GCLC: variants seen among roughly 807,000 people sequenced by gnomAD.
GCLC encodes glutamate-cysteine ligase catalytic subunit.
A neutral mutation model predicts 81.5 loss-of-function variants in GCLC; 30 were observed. The ratio of observed to expected loss-of-function variants is 0.37; its 90% CI spans 0.28 to 0.50. The LOEUF (loss-of-function observed/expected upper bound fraction) is 0.50, where lower values mean the gene tolerates loss of function less well. Ranked by LOEUF, GCLC falls within the 20% of genes least tolerant of loss-of-function variation. The pLI is 0.96. For missense variants in GCLC, 556 were observed against 777.4 expected (o/e 0.72, Z 3.39); for synonymous variants, 262 against 273.3 (o/e 0.96, Z 0.41).
At chr6:53,511,231 C>A (rs904209799) in intron 6 of GCLC, among the ~76,000 whole-genome samples, 1 of 148,452 alleles carries the variant, frequency 6.7e-6, no homozygotes, top group African/African-American at 2.5e-5. Context: ...GGATGACATG[C>A]GGTCAAAGGT....
chr6:53,505,113 C>T, intron 12 of GCLC: 1 of 398,670 alleles, frequency 2.5e-6, no homozygotes, highest in Non-Finnish European at 4.6e-6. Context: ...TTACACTTTC[C>T]CTCCCCATCC....
rs1412494042 is a variant in GCLC at position 53,505,542 on chromosome 6, C to T, written c.1291-46G>A. 5.1e-6 allele frequency: 5 copies of T among 983,528 alleles called. No homozygotes were observed. The South Asian group carries it at 5.2e-5, about 10-fold the overall frequency. The allele number at this position is 983,528 out of a possible 1,614,324, so 60.9% of individuals were successfully genotyped here. ...AGAAGTTATGAACCAACTACACAAACATGCTCTTCCCTGACCCAGGCCCTT... is the reference window on the plus strand; with the variant it reads ...AGAAGTTATGAACCAACTACACAAATATGCTCTTCCCTGACCCAGGCCCTT... On this transcript the variant is annotated intron_variant, in intron 11 of 15. Coordinates refer to ENST00000650454, the MANE Select transcript of GCLC (RefSeq NM_001498.4).
At chr6:53,525,139 G>T (rs1763058093) in intron 1 of GCLC, among the ~76,000 whole-genome samples, 1 of 152,128 alleles carries the variant, frequency 6.6e-6, no homozygotes, top group Non-Finnish European at 1.5e-5. Flanking sequence ...TTTCCTGACG[G>T]TTTTTCAAAC....
At chr6:53,504,818 C>G (rs1259816355) in intron 12 of GCLC, among the ~76,000 whole-genome samples, 4 of 152,150 alleles carry the variant, frequency 2.6e-5, no homozygotes, top group Non-Finnish European at 5.9e-5. Flanking sequence ...CGGCAGGGCC[C>G]TCTCTATTTA....
At chr6:53,542,137 C>T (rs985477993) in intron 1 of GCLC, among the ~76,000 whole-genome samples, 2 of 152,162 alleles carry the variant, frequency 1.3e-5, no homozygotes, top group African/African-American at 4.8e-5. Flanking sequence ...GATTACGGGC[C>T]ACCACGCCCA....
intron 6 of GCLC, chr6:53,513,124 C>G (rs1183438534): frequency 2.0e-5 from 3 of 152,154 alleles, no homozygotes; most frequent in Non-Finnish European, 4.4e-5. Flanking sequence ...AAATCTGATT[C>G]CAGCATTCAA....
chr6:53,502,260 G>GAT (rs1476020776), intron 12 of GCLC, among the ~76,000 whole-genome samples: 1 of 152,146 alleles, frequency 6.6e-6, no homozygotes, highest in African/African-American at 2.4e-5. Context: ...CCCATCCTTT[G>GAT]ATTATATGGC....
chr6:53,503,500 A>C (rs573576), intron 12 of GCLC, among the ~76,000 whole-genome samples: 23 of 152,214 alleles, frequency 1.5e-4, no homozygotes, highest in Non-Finnish European at 2.9e-4. Flanking sequence ...TTGGCTGAGA[A>C]GATAATTCTG....
At chr6:53,540,898 C>T (rs950727382) in intron 1 of GCLC, among the ~76,000 whole-genome samples, 34 of 152,330 alleles carry the variant, frequency 2.2e-4, no homozygotes, top group African/African-American at 7.9e-4. Context: ...AAAAAAGTCA[C>T]ACCTTCTCTC....
At chr6:53,539,400 G>C (rs1490091566) in intron 1 of GCLC, among the ~76,000 whole-genome samples, 5 of 152,094 alleles carry the variant, frequency 3.3e-5, no homozygotes, top group Admixed American at 6.5e-5. Context: ...CTTCTCACAG[G>C]AAAATACCTG....
At chr6:53,514,385 A>C (rs1029688554) in intron 5 of GCLC, 48 bp from the exon 6 acceptor site, 4 of 1,590,824 alleles carry the variant, frequency 2.5e-6, no homozygotes, top group African/African-American at 2.7e-5. Context: ...ATCCAGGATT[A>C]AACAACAATA....
chr6:53,539,555 A>G (rs1763316885), intron 1 of GCLC, among the ~76,000 whole-genome samples: 1 of 152,312 alleles, frequency 6.6e-6, no homozygotes, highest in South Asian at 2.1e-4. Context: ...GAGCATTTCT[A>G]AAGTGGCAGC....
chr6:53,530,123 G>A (rs887203862), intron 1 of GCLC, among the ~76,000 whole-genome samples: 13 of 152,246 alleles, frequency 8.5e-5, no homozygotes, highest in Admixed American at 8.5e-4. Flanking sequence ...CTAAGTGAGA[G>A]TCAATGCTAA....
intron 8 of GCLC, 65 bp downstream of exon 8, chr6:53,508,530 T>C: frequency 3.2e-6 from 3 of 937,958 alleles, no homozygotes; most frequent in East Asian, 2.4e-5. Flanking sequence ...AAATTGCAAG[T>C]AGTTACAAAA....
chr6:53,517,279 C>T (rs1169339223), intron 3 of GCLC, among the ~76,000 whole-genome samples: 4 of 71,806 alleles, frequency 5.6e-5, no homozygotes, highest in Admixed American at 1.8e-4. Context: ...TTTTTTTTTC[C>T]AGGGACGAGG....
intron 1 of GCLC, among the ~76,000 whole-genome samples, chr6:53,526,715 G>A (rs1300909276): frequency 6.6e-6 from 1 of 150,946 alleles, no homozygotes; most frequent in Non-Finnish European, 1.5e-5. Flanking sequence ...GGAGAATGGC[G>A]TGAACTCAGG....
chr6:53,527,216 G>A (rs1188473084), intron 1 of GCLC, among the ~76,000 whole-genome samples: 1 of 152,206 alleles, frequency 6.6e-6, no homozygotes, highest in Non-Finnish European at 1.5e-5. Context: ...CCTAGTCCAG[G>A]TAGAGTATGC....
intron 8 of GCLC, among the ~76,000 whole-genome samples, chr6:53,507,917 GTAAGA>G (rs1764648112): frequency 6.6e-6 from 1 of 152,024 alleles, no homozygotes; most frequent in South Asian, 2.1e-4. Flanking sequence ...AATCTATAAC[GTAAGA>G]TAAACCTATC....
At chr6:53,524,807 T>C (rs1050513158) in intron 1 of GCLC, among the ~76,000 whole-genome samples, 1 of 152,228 alleles carries the variant, frequency 6.6e-6, no homozygotes, top group Admixed American at 6.5e-5. Flanking sequence ...TAAGTTGCAA[T>C]AACTTTAATT....
Sources: allele counts gnomAD v4.1 joint callset (sites outside exome capture counted in the v4.1 genomes callset), GRCh38; gene constraint gnomAD v4.1.1; transcripts MANE v1.5; gene names NCBI Gene and HGNC (gene_info 2026-07-23, HGNC 2026-07-21).